Variants in PARP4 observed in about 807,000 individuals in gnomAD.
PARP4 encodes the protein protein mono-ADP-ribosyltransferase PARP4.
Under a neutral mutation model 187.7 loss-of-function variants are expected in PARP4, and 120 were observed. The ratio of observed to expected loss-of-function variants is 0.64; its 90% CI spans 0.55 to 0.74. The LOEUF is 0.74. Ranked by LOEUF, PARP4 falls within the 30% of genes least tolerant of loss-of-function variation. PARP4 has a pLI of 0.00. For synonymous variants in PARP4, 654 were observed against 740.9 expected, an observed-to-expected ratio of 0.88 and a Z score of 1.90; for missense variants, 1,836 against 2,070.5, an observed-to-expected ratio of 0.89 and a Z score of 2.20.
At chr13:24,424,044 G>T (rs1049825196) in intron 33 of PARP4, among the ~76,000 whole-genome samples, 12 of 152,074 alleles carry the variant, frequency 7.9e-5, no homozygotes, top group Non-Finnish European at 1.6e-4. Context: ...TTCTGGGCTT[G>T]ATCTTGGTGG....
intron 17 of PARP4, among the ~76,000 whole-genome samples, chr13:24,461,545 A>G (rs968136379): frequency 6.6e-6 from 1 of 152,140 alleles, no homozygotes; most frequent in Non-Finnish European, 1.5e-5. Flanking sequence ...GAGAGTGGGT[A>G]AGCTTACTGG....
intron 30 of PARP4, among the ~76,000 whole-genome samples, chr13:24,435,989 GCTGT>G (rs57026084): frequency 0.014 from 2,161 of 151,614 alleles, 129 homozygotes; most frequent in Admixed American, 0.1. Flanking sequence ...TCAGTACAAG[GCTGT>G]CTATTTCTAG....
intron 12 of PARP4, among the ~76,000 whole-genome samples, chr13:24,483,915 C>CT (rs1216499161): frequency 6.6e-6 from 1 of 152,244 alleles, no homozygotes; most frequent in African/African-American, 2.4e-5. Flanking sequence ...GCATGAGCTA[C>CT]TGCGCCTGGC....
chr13:24,489,748 G>C (rs1303941293), intron 10 of PARP4, among the ~76,000 whole-genome samples: 1 of 152,176 alleles, frequency 6.6e-6, no homozygotes, highest in African/African-American at 2.4e-5. Flanking sequence ...AGGCCATAAG[G>C]TAAGAGTGGC....
At chr13:24,449,854 T>C (rs749423642) in intron 24 of PARP4, 37 bp from the exon 25 acceptor site, 2 of 1,303,004 alleles carry the variant, frequency 1.5e-6, no homozygotes, top group South Asian at 1.2e-5. Flanking sequence ...TTGAAGACAT[T>C]AGAAATATTT....
intron 1 of PARP4, among the ~76,000 whole-genome samples, chr13:24,504,912 C>T (rs1385307020): frequency 6.6e-6 from 1 of 151,106 alleles, no homozygotes; most frequent in Non-Finnish European, 1.5e-5. Context: ...CCAGGCTGGT[C>T]TTGAACTCCT....
At chr13:24,494,863 T>TTTTTC in intron 6 of PARP4, 141 bp from the exon 7 acceptor site, 2 of 576,354 alleles carry the variant, frequency 3.5e-6, no homozygotes, top group Non-Finnish European at 5.8e-6. Flanking sequence ...TTTTAAATTC[T>TTTTTC]TTTTCTTTTC....
chr13:24,503,750 AC>A lies in PARP4; in HGVS notation c.26del (p.Cys9LeufsTer5). 1 of 1,614,142 alleles carries A rather than the reference AC, an allele frequency of 6.2e-7. No individual in the cohort carries two copies. The highest frequency in any genetic ancestry group is 8.5e-7 in the Non-Finnish European group (1 of 1,179,980). Reference sequence around the variant, plus strand: ...AGTACTTCACTTTCAAACAGAAGATACAATTTGCAAAGATTCCCATCACCAT... The same window carrying A: ...AGTACTTCACTTTCAAACAGAAGATAAATTTGCAAAGATTCCCATCACCAT... MVMGIFAN[C>X]IFCLKVKYLP... On this transcript the variant is annotated frameshift_variant, in exon 2 of 34. Coordinates refer to ENST00000381989, the MANE Select transcript of PARP4 (RefSeq NM_006437.4). LOFTEE classifies it high-confidence loss of function.
In PARP4 at chr13:24,435,390, C is replaced by T; in HGVS notation, c.3751G>A (p.Glu1251Lys). 2 of 1,612,180 alleles carry T rather than the reference C, an allele frequency of 1.2e-6. No homozygotes were observed. Among genetic ancestry groups the T allele is most frequent in the South Asian group, 1.1e-5 (1 of 90,862 alleles). The change falls in exon 31 of 34, where the codon GAA becomes AAA. Residue 1251 changes from glutamate to lysine, a missense_variant. Physicochemically the swap from Glu to Lys is moderately conservative, Grantham distance 56. Transcript: ENST00000381989. ...TCAGAAACTTCTGGCTGAGATAATTCCATTTTTCTTTTGGAAAATGGAATT... is the reference window on the plus strand; with the variant it reads ...TCAGAAACTTCTGGCTGAGATAATTTCATTTTTCTTTTGGAAAATGGAATT... ...RKIPFSKRKMELSQPEVSEDF... is the reference protein window; with the variant it reads ...RKIPFSKRKMKLSQPEVSEDF...
intron 10 of PARP4, among the ~76,000 whole-genome samples, chr13:24,488,676 G>T (rs1390685002): frequency 6.6e-6 from 1 of 152,080 alleles, no homozygotes; most frequent in Non-Finnish European, 1.5e-5. Context: ...AAATTAAAGT[G>T]AAATTCCAAA....
chr13:24,443,709 G>C lies in PARP4; in HGVS notation c.3388C>G (p.Arg1130Gly). ...TGTMIHKLAA[R>G]ALIRDYEDGI... ...TCTTCATAATCTCTGATTAGAGCTC[G>C]GGCTGCCAGCTTGTGGATCATCTGT... Residue 1130 changes from arginine (R) to glycine (G), a missense_variant, in exon 28 of 34, where the codon CGA (arginine) becomes GGA (glycine). Around this residue, in one of 8 missense-constraint regions of PARP4, gnomAD observed 56 missense variants for 56.6 expected, o/e 0.99. Coordinates refer to ENST00000381989, the MANE Select transcript of PARP4 (RefSeq NM_006437.4). 6.2e-7 allele frequency: 1 copy of C among 1,613,356 alleles called. No individual in the cohort carries two copies. Among genetic ancestry groups the C allele is most frequent in the African/African-American group, 1.3e-5 (1 of 74,990 alleles).
intron 14 of PARP4, 30 bp downstream of exon 14, chr13:24,477,671 A>G (rs2137510902): frequency 1.5e-6 from 2 of 1,304,616 alleles, no homozygotes; most frequent in East Asian, 2.4e-5. Flanking sequence ...ATATAATAAC[A>G]TAAAACAGCA....
chr13:24,422,776 T>G (rs1869064694), intron 33 of PARP4, among the ~76,000 whole-genome samples: 1 of 151,908 alleles, frequency 6.6e-6, no homozygotes. Flanking sequence ...ACCCAGCTAG[T>G]TTTTGTATTT....
At chr13:24,494,003 A>G (rs189067733) in intron 7 of PARP4, among the ~76,000 whole-genome samples, 67 of 152,194 alleles carry the variant, frequency 4.4e-4, no homozygotes, top group African/African-American at 1.6e-3. Flanking sequence ...GTAGTAGTCA[A>G]CACACGAAGT....
At chr13:24,443,483 C>A (rs1356557812) in intron 28 of PARP4, among the ~76,000 whole-genome samples, 167 bp downstream of exon 28, 1 of 151,646 alleles carries the variant, frequency 6.6e-6, no homozygotes, top group African/African-American at 2.4e-5. Context: ...CAAACATTTA[C>A]CACACACCCC....
At chr13:24,466,215 C>T (rs563881586) in intron 17 of PARP4, among the ~76,000 whole-genome samples, 1 of 152,144 alleles carries the variant, frequency 6.6e-6, no homozygotes, top group Non-Finnish European at 1.5e-5. Flanking sequence ...GACAGGGTCT[C>T]GCTTTGTTGC....
intron 20 of PARP4, among the ~76,000 whole-genome samples, chr13:24,457,698 G>A (rs7318187): frequency 0.12 from 17,723 of 146,744 alleles, 1,209 homozygotes; most frequent in African/African-American, 0.16. Flanking sequence ...TTGAACCCAG[G>A]AGGTGGAGTT....
chr13:24,502,351 TAATA>T (rs1869347835), intron 2 of PARP4, among the ~76,000 whole-genome samples: 2 of 152,234 alleles, frequency 1.3e-5, no homozygotes, highest in African/African-American at 2.4e-5. Context: ...ATTTATTTTT[TAATA>T]AATAGTAAAT....
At chr13:24,441,632 T>C (rs894421543) in intron 30 of PARP4, among the ~76,000 whole-genome samples, 1 of 152,254 alleles carries the variant, frequency 6.6e-6, no homozygotes, top group Non-Finnish European at 1.5e-5. Context: ...GGTGTTCTCT[T>C]TTTGTACTAT....
Sources: allele counts gnomAD v4.1 joint callset (sites outside exome capture counted in the v4.1 genomes callset), GRCh38; gene constraint gnomAD v4.1.1; regional missense constraint gnomAD v4.1.1; transcripts MANE v1.5; gene names NCBI Gene and HGNC (gene_info 2026-07-23, HGNC 2026-07-21).